The following ABCG2 variants were observed in gnomAD, a reference collection of about 807,000 sequenced individuals.
The protein encoded by ABCG2 is broad substrate specificity ATP-binding cassette transporter ABCG2.
ABCG2 carries 80 observed loss-of-function variants against 73.5 expected under a neutral mutation model. The observed-to-expected ratio is 1.09, with a 90% CI of 0.91 to 1.31. The LOEUF (loss-of-function observed/expected upper bound fraction) is 1.31, where lower values mean the gene tolerates loss of function less well. Ranked by LOEUF, ABCG2 falls within the 50% of genes most tolerant of loss-of-function variation. The pLI is 0.00. For missense variants in ABCG2, 796 were observed against 786.2 expected (o/e 1.01, Z -0.15); for synonymous variants, 269 against 282.4 (o/e 0.95, Z 0.48).
chr4:88,149,652 G>C (rs967909705), intron 1 of ABCG2, among the ~76,000 whole-genome samples: 1 of 151,730 alleles, frequency 6.6e-6, no homozygotes, highest in Non-Finnish European at 1.5e-5. Context: ...GGGAGTTCGA[G>C]ACCAGCCTGA....
intron 1 of ABCG2, among the ~76,000 whole-genome samples, chr4:88,172,581 G>GAAAA (rs35070245): frequency 9.1e-5 from 13 of 142,370 alleles, no homozygotes; most frequent in African/African-American, 3.1e-4. Context: ...CTGTCTCAGG[G>GAAAA]AAAAAAAAAA....
intron 1 of ABCG2, among the ~76,000 whole-genome samples, chr4:88,185,556 G>A (rs1728419089): frequency 6.6e-6 from 1 of 151,690 alleles, no homozygotes; most frequent in African/African-American, 2.4e-5. Context: ...CAAAGTGAGG[G>A]GACAAACCAC....
intron 2 of ABCG2, among the ~76,000 whole-genome samples, chr4:88,139,345 C>G (rs970176940): frequency 4.6e-5 from 7 of 152,046 alleles, no homozygotes; most frequent in Admixed American, 1.3e-4. Flanking sequence ...ACTTGATATC[C>G]CAGATTCAAG....
At position 88,113,456 on chromosome 4, in the gene ABCG2, A is replaced by G; in HGVS notation, c.1041T>C (p.Ala347=). ...VNSSFYKETK[A]ELHQLSGGEK... ...CACCCCCGGAAAGTTGATGTAATTC[A>G]GCTTTTGTCTCTTTGTAGAAGGAGG... Residue 347 remains alanine (A), a synonymous_variant, in exon 9 of 16, where the codon GCT becomes GCC. Transcript: ENST00000237612. 2 of 1,614,134 alleles carry G rather than the reference A, an allele frequency of 1.2e-6. No individual in the cohort carries two copies. Among genetic ancestry groups the G allele is most frequent in the Non-Finnish European group, 1.7e-6 (2 of 1,180,028 alleles).
intron 1 of ABCG2, among the ~76,000 whole-genome samples, chr4:88,191,999 C>A (rs939098462): frequency 2.5e-4 from 38 of 151,808 alleles, no homozygotes; most frequent in African/African-American, 8.5e-4. Flanking sequence ...GGCAAAATCC[C>A]GTCTCTATTA....
chr4:88,137,516 G>A (rs1327056257), intron 2 of ABCG2, among the ~76,000 whole-genome samples: 1 of 152,144 alleles, frequency 6.6e-6, no homozygotes. Context: ...AAAATACCAC[G>A]TTGAATGAGA....
chr4:88,155,063 G>A (rs935147825), intron 1 of ABCG2, among the ~76,000 whole-genome samples: 25 of 152,168 alleles, frequency 1.6e-4, no homozygotes, highest in Admixed American at 7.9e-4. Flanking sequence ...GGATGAGTCA[G>A]GGAGAGCTAG....
chr4:88,186,093 C>T (rs1014839540), intron 1 of ABCG2, among the ~76,000 whole-genome samples: 2 of 152,080 alleles, frequency 1.3e-5, no homozygotes, highest in African/African-American at 2.4e-5. Context: ...TCAGAATAAC[C>T]AAGATTTAGA....
Position 88,121,564 on chromosome 4 carries a change from T to A in ABCG2, c.689+71A>T, listed in dbSNP as rs547182380. The stretch of plus-strand genomic sequence containing the variant: ...TTACTTTGATCATTTCTGAACCCCC[T>A]GCCCCAAGAATATCTGGGACATAGT... On this transcript the variant is annotated intron_variant, in intron 6 of 15. Coordinates refer to ENST00000237612, the MANE Select transcript of ABCG2 (RefSeq NM_004827.3). 3,331 of 1,424,340 alleles carry A rather than the reference T, an allele frequency of 2.3e-3. 5 individuals are homozygous for A. The highest frequency in any genetic ancestry group is 2.9e-3 in the Non-Finnish European group (3,063 of 1,046,200). 88.2% of individuals were successfully genotyped at this position (1,424,340 alleles called of 1,614,324 possible).
Position 88,174,246 on chromosome 4 carries a change from G to A in ABCG2, c.-19-34232C>T, listed in dbSNP as rs28366540. ...GTATACACATGCCATGGTGGTTTGC[G>A]GTTCCTATCAACCTGTCATCTAGGT... On this transcript the variant is annotated intron_variant, in intron 1 of 15. Transcript: ENST00000515655. Among the ~76,000 whole-genome samples, 14 of 151,502 alleles carry A rather than the reference G, an allele frequency of 9.2e-5. No individual in the cohort carries two copies. In the East Asian group the frequency reaches 2.5e-3, roughly 27 times the overall value.
intron 11 of ABCG2, 113 bp from the exon 12 acceptor site, chr4:88,099,561 T>C: frequency 1.8e-6 from 2 of 1,122,034 alleles, no homozygotes; most frequent in African/African-American, 1.6e-5. Flanking sequence ...ACAAGCCAGC[T>C]TCCCACATCC....
At chr4:88,095,770 TCTC>T (rs1721943702) in intron 13 of ABCG2, among the ~76,000 whole-genome samples, 161 bp from the exon 14 acceptor site, 1 of 152,134 alleles carries the variant, frequency 6.6e-6, no homozygotes, top group Non-Finnish European at 1.5e-5. Flanking sequence ...ACTAAACTCT[TCTC>T]CTCTGCATGT....
intron 5 of ABCG2, 98 bp downstream of exon 5, chr4:88,130,963 A>T: frequency 7.3e-7 from 1 of 1,374,838 alleles, no homozygotes; most frequent in Non-Finnish European, 1.0e-6. Context: ...ATTTTTGACC[A>T]TACACATTAC....
intron 1 of ABCG2, among the ~76,000 whole-genome samples, chr4:88,219,230 T>C (rs1350237180): frequency 6.6e-6 from 1 of 152,230 alleles, no homozygotes; most frequent in Non-Finnish European, 1.5e-5. Flanking sequence ...AGCCCTTTCT[T>C]TTTTCTCAGT....
intron 1 of ABCG2, among the ~76,000 whole-genome samples, chr4:88,181,449 A>G (rs903383311): frequency 2.0e-5 from 3 of 150,084 alleles, no homozygotes; most frequent in African/African-American, 7.4e-5. Flanking sequence ...TATTATTTGA[A>G]GCCAGGCATG....
chr4:88,103,370 C>T (rs896202337), intron 10 of ABCG2, among the ~76,000 whole-genome samples: 3 of 152,120 alleles, frequency 2.0e-5, no homozygotes, highest in South Asian at 2.1e-4. Context: ...TTAATTCATT[C>T]TAATTCTTTC....
rs1466535472 is a variant in ABCG2, at chr4:88,097,552, C to T, written c.1548G>A (p.Val516=). The stretch of plus-strand genomic sequence containing the variant: ...GTGCCATGGAACTGGCTGAATAAGC[C>T]ACCATCATAAGGGTAAACATCATAA... ...FFVMMFTLMM[V]AYSASSMALA... Residue 516 remains valine (V), a synonymous_variant, in exon 13 of 16, where the codon GTG becomes GTA. Coordinates refer to ENST00000237612, the MANE Select transcript of ABCG2 (RefSeq NM_004827.3). The T allele has an allele frequency of 3.1e-6, 5 of 1,614,082 alleles. No individual in the cohort carries two copies. In the African/African-American group the frequency reaches 6.7e-5, roughly 22 times the overall value.
At chr4:88,167,275 T>A (rs1727562481) in intron 1 of ABCG2, among the ~76,000 whole-genome samples, 1 of 151,612 alleles carries the variant, frequency 6.6e-6, no homozygotes, top group Non-Finnish European at 1.5e-5. Flanking sequence ...CACCCTCAGC[T>A]CCTCTTGGCT....
rs374897350 is a variant in ABCG2 at position 88,230,345 on chromosome 4, A to G, written c.-20+649T>C. ...GCCACATATATATATATATATATATATTTTTTGAGACGGAGTCTCGCACTG... is the reference window on the plus strand; with the variant it reads ...GCCACATATATATATATATATATATGTTTTTTGAGACGGAGTCTCGCACTG... On this transcript the variant is annotated intron_variant, in intron 1 of 15. Coordinates refer to the ABCG2 transcript ENST00000515655. Among the ~76,000 whole-genome samples, 82 of 88,970 alleles carry G rather than the reference A, an allele frequency of 9.2e-4. 2 individuals carry two copies. Among genetic ancestry groups the G allele is most frequent in the Non-Finnish European group, 1.7e-3 (74 of 44,848 alleles). 58.4% of individuals were successfully genotyped at this position (88,970 alleles called of 152,430 possible).
Sources: gnomAD v4.1 joint callset for allele counts (sites outside exome capture counted in the v4.1 genomes callset) on GRCh38, gnomAD v4.1.1 for gene constraint, MANE v1.5 for transcripts, NCBI Gene and HGNC (gene_info 2026-07-23, HGNC 2026-07-21) for gene names.